The following SLAMF7 variants were observed in gnomAD, a reference collection of about 807,000 sequenced individuals.
SLAMF7 encodes the protein SLAM family member 7.
Under a neutral mutation model 34.1 loss-of-function variants are expected in SLAMF7, and 26 were observed. The observed-to-expected ratio is 0.76, with a 90% confidence interval of 0.56 to 1.06. SLAMF7 has a LOEUF of 1.06. Among genes scored for constraint, SLAMF7 ranks in the 50% least tolerant of loss-of-function variants. The pLI is 0.00. For missense variants in SLAMF7, 399 were observed against 402.5 expected, an observed-to-expected ratio of 0.99 and a Z score of 0.07; for synonymous variants, 171 against 156.4, an observed-to-expected ratio of 1.09 and a Z score of -0.70.
chr1:160,750,556 C>A (rs1233095941), intron 4 of SLAMF7, 133 bp downstream of exon 4: 1 of 1,067,768 alleles, frequency 9.4e-7, no homozygotes, highest in Non-Finnish European at 1.4e-6. Flanking sequence ...AAGCCACAGT[C>A]TCTGCCCTCA....
intron 1 of SLAMF7, among the ~76,000 whole-genome samples, chr1:160,743,282 T>G (rs1571106697): frequency 6.6e-6 from 1 of 152,134 alleles, no homozygotes; most frequent in African/African-American, 2.4e-5. Context: ...ATACAGGGTT[T>G]GAATAAGATT....
At chr1:160,750,518 A>G (rs1453508082) in intron 4 of SLAMF7, 95 bp downstream of exon 4, 32 of 1,462,584 alleles carry the variant, frequency 2.2e-5, no homozygotes, top group Non-Finnish European at 2.6e-5. Context: ...CAGACTTGGC[A>G]TGAGGTGTTG....
intron 6 of SLAMF7, among the ~76,000 whole-genome samples, chr1:160,752,586 G>A (rs1448491758): frequency 6.6e-6 from 1 of 152,224 alleles, no homozygotes; most frequent in East Asian, 1.9e-4. Context: ...AGGAATAGCT[G>A]AGAGGAGAGT....
chr1:160,746,317 T>A (rs1447078037), intron 1 of SLAMF7, among the ~76,000 whole-genome samples: 1 of 152,174 alleles, frequency 6.6e-6, no homozygotes, highest in Non-Finnish European at 1.5e-5. Flanking sequence ...ACCAACAAGG[T>A]CAAAAGTACA....
rs1196801383 is a variant in SLAMF7 at position 160,753,496 on chromosome 1, T to C, written c.*319T>C. 1.0e-5 allele frequency: 3 copies of C among 298,374 alleles called. No individual in the cohort carries two copies. Among genetic ancestry groups the C allele is most frequent in the Non-Finnish European group, 1.9e-5 (3 of 158,938 alleles). The allele number at this position is 298,374 out of a possible 1,614,324, so 18.5% of individuals were successfully genotyped here. The stretch of plus-strand genomic sequence containing the variant: ...GTAAATGCAAGGTCACACATATTAA[T>C]GACAGCCTGTTGTATTAATGATGGC... On this transcript the variant is annotated 3_prime_UTR_variant, in exon 7 of 7. Transcript: ENST00000368043.
At chr1:160,748,133 G>A in intron 1 of SLAMF7, 61 bp from the exon 2 acceptor site, 4 of 1,542,844 alleles carry the variant, frequency 2.6e-6, no homozygotes, top group Admixed American at 1.8e-5. Context: ...CCCAAAGGGG[G>A]TGAGTAATTG....
rs1664691197 is a variant in SLAMF7, at chr1:160,752,236, A to G, written c.924A>G (p.Glu308=). 1 of 1,612,758 alleles carries G rather than the reference A, an allele frequency of 6.2e-7. No individual in the cohort carries two copies. Among genetic ancestry groups the G allele is most frequent in the Admixed American group, 1.7e-5 (1 of 59,968 alleles). Reference sequence around the variant, plus strand: ...CAAATACGGTTTACTCCACTGTGGAAATACCGAAAAAGGTAAGAAGCTTTA... The same window carrying G: ...CAAATACGGTTTACTCCACTGTGGAGATACCGAAAAAGGTAAGAAGCTTTA... The part of the protein sequence containing the change: ...DPANTVYSTV[E]IPKKMENPHS... The change falls in exon 6 of 7, where the codon GAA becomes GAG. Residue 308 remains glutamate (E), a synonymous_variant. Coordinates refer to ENST00000368043, the MANE Select transcript of SLAMF7 (RefSeq NM_021181.5).
intron 1 of SLAMF7, chr1:160,739,733 C>G: frequency 5.0e-6 from 1 of 200,284 alleles, no homozygotes; most frequent in Admixed American, 5.2e-5. Flanking sequence ...ACTTTAAGAA[C>G]AAGATGATAC....
At chr1:160,742,993 G>C (rs1463665262) in intron 1 of SLAMF7, among the ~76,000 whole-genome samples, 1 of 152,148 alleles carries the variant, frequency 6.6e-6, no homozygotes, top group Non-Finnish European at 1.5e-5. Context: ...AGTTAGGCCA[G>C]AGCCCTTTCT....
intron 1 of SLAMF7, among the ~76,000 whole-genome samples, chr1:160,744,918 G>A (rs188235292): frequency 3.4e-4 from 52 of 152,240 alleles, no homozygotes; most frequent in African/African-American, 1.1e-3. Flanking sequence ...CACTCCTAAA[G>A]ATGAACAAAG....
At chr1:160,749,367 A>G (rs1664376061) in intron 2 of SLAMF7, among the ~76,000 whole-genome samples, 1 of 152,224 alleles carries the variant, frequency 6.6e-6, no homozygotes, top group East Asian at 1.9e-4. Flanking sequence ...TCTCTGAGGC[A>G]GGGGAGTGAG....
At chr1:160,742,994 A>G (rs1218219032) in intron 1 of SLAMF7, among the ~76,000 whole-genome samples, 1 of 152,164 alleles carries the variant, frequency 6.6e-6, no homozygotes, top group African/African-American at 2.4e-5. Flanking sequence ...GTTAGGCCAG[A>G]GCCCTTTCTC....
chr1:160,739,368 C>T lies in SLAMF7; in HGVS notation c.55+12C>T, dbSNP rs759101192. On this transcript the variant is annotated intron_variant, in intron 1 of 6. Coordinates refer to ENST00000368043, the MANE Select transcript of SLAMF7 (RefSeq NM_021181.5). ...TTGGCAGCTCACAGGTGAGTCCGGC[C>T]GGATTCTCTTCCACTCTCCTGTCTA... 1.2e-5 allele frequency: 20 copies of T among 1,610,480 alleles called. No homozygotes were observed. Among genetic ancestry groups the T allele is most frequent in the South Asian group, 3.3e-5 (3 of 90,616 alleles).
intron 4 of SLAMF7, 138 bp downstream of exon 4, chr1:160,750,561 C>A: frequency 9.8e-7 from 1 of 1,020,144 alleles, no homozygotes; most frequent in Non-Finnish European, 1.4e-6. Context: ...ACAGTCTCTG[C>A]CCTCAAGAAG....
chr1:160,750,122 ACT>A (rs1664448662), intron 3 of SLAMF7, 29 bp downstream of exon 3: 1 of 1,606,754 alleles, frequency 6.2e-7, no homozygotes, highest in Non-Finnish European at 8.5e-7. Flanking sequence ...TCCACAGGAG[ACT>A]CTGCCCAGGT....
intron 6 of SLAMF7, among the ~76,000 whole-genome samples, chr1:160,752,725 G>A (rs1001225453): frequency 1.3e-5 from 2 of 152,154 alleles, no homozygotes; most frequent in African/African-American, 2.4e-5. Flanking sequence ...TAGCTTTAAG[G>A]CTTATTCCTT....
In SLAMF7 at chr1:160,751,456, C is replaced by T. The variant is rs751620801; in HGVS notation, c.873+8C>T. On this transcript the variant is annotated splice_region_variant and intron_variant, in intron 5 of 6. Coordinates refer to ENST00000368043, the MANE Select transcript of SLAMF7 (RefSeq NM_021181.5). ...ACAATCCCTCACACTAATGTGAGTC[C>T]CTTCTCATCTTTCCTGAGAACTGAT... 5.0e-6 allele frequency: 8 copies of T among 1,591,668 alleles called. No homozygotes were observed. The highest frequency in any genetic ancestry group is 1.7e-4 in the Middle Eastern group (1 of 6,012).
chr1:160,749,735 A>T (rs1192898961), intron 2 of SLAMF7, 86 bp from the exon 3 acceptor site: 1 of 1,214,502 alleles, frequency 8.2e-7, no homozygotes, highest in African/African-American at 1.5e-5. Context: ...TCCCAGGGAG[A>T]TTCAGGTCCA....
rs778849361 is a variant in SLAMF7 at position 160,750,387 on chromosome 1, C to A, written c.733C>A (p.Leu245Ile). The A allele has an allele frequency of 2.5e-6, 4 of 1,614,002 alleles. No individual in the cohort carries two copies. The highest frequency in any genetic ancestry group is 3.4e-6 in the Non-Finnish European group (4 of 1,179,922). The change falls in exon 4 of 7, where the codon CTA (leucine) becomes ATA (isoleucine). Residue 245 changes from leucine to isoleucine, a missense_variant. Coordinates refer to ENST00000368043, the MANE Select transcript of SLAMF7 (RefSeq NM_021181.5). Reference protein sequence around the residue: ...PLLLSLFVLGLFLWFLKRERQ... With the variant: ...PLLLSLFVLGIFLWFLKRERQ... ...CCTGCTCAGTCTCTTTGTACTGGGG[C>A]TATTTCTTTGGTTTCTGAAGAGAGA...
Sources: gnomAD v4.1 joint callset for allele counts (sites outside exome capture counted in the v4.1 genomes callset) on GRCh38, gnomAD v4.1.1 for gene constraint, MANE v1.5 for transcripts, NCBI Gene and HGNC (gene_info 2026-07-23, HGNC 2026-07-21) for gene names.